Variants in CBLB observed in about 807,000 individuals in gnomAD.
CBLB encodes the protein E3 ubiquitin-protein ligase CBL-B.
Under a neutral mutation model 104.9 loss-of-function variants are expected in CBLB, and 31 were observed. That is an observed-to-expected ratio of 0.30 (90% CI 0.22 to 0.40). CBLB has a LOEUF of 0.40. Among genes scored for constraint, CBLB ranks in the 10% least tolerant of loss-of-function variants. The pLI is 1.00. For synonymous variants in CBLB, 440 were observed against 422.6 expected (o/e 1.04, Z -0.51); for missense variants, 1,062 against 1,214.6 (o/e 0.87, Z 1.87).
intron 4 of CBLB, chr3:105,762,254 C>T (rs1322709005): frequency 6.6e-6 from 1 of 152,194 alleles, no homozygotes; most frequent in African/African-American, 2.4e-5. Flanking sequence ...AAGAAAAACA[C>T]ATTCTCTGAG....
At chr3:105,787,922 T>A (rs1301389718) in intron 3 of CBLB, among the ~76,000 whole-genome samples, 1 of 152,200 alleles carries the variant, frequency 6.6e-6, no homozygotes, top group Non-Finnish European at 1.5e-5. Context: ...ATTTAAAATC[T>A]GTGTTTCATG....
Position 105,715,185 on chromosome 3 carries a change from A to G in CBLB, c.1407+4862T>C, listed in dbSNP as rs192383446. ...TCTGATCTGAATGAAGTCAGAGAGA[A>G]GGCTGTGATCTTACCAGTCACATCC... is the stretch of plus-strand genomic sequence containing the variant. On this transcript the variant is annotated intron_variant, in intron 10 of 18. Transcript: ENST00000394030. 2.1e-4 allele frequency among the ~76,000 whole-genome samples: 32 copies of G among 152,310 alleles called. No homozygotes were observed. The East Asian group carries it at 6.0e-3, about 28-fold the overall frequency.
chr3:105,767,254 T>C (rs1403426540), intron 4 of CBLB, among the ~76,000 whole-genome samples: 2 of 152,136 alleles, frequency 1.3e-5, no homozygotes, highest in Non-Finnish European at 2.9e-5. Context: ...TAATTTAATA[T>C]AATTAGGTTG....
At chr3:105,802,465 T>C (rs2082998960) in intron 3 of CBLB, among the ~76,000 whole-genome samples, 1 of 152,188 alleles carries the variant, frequency 6.6e-6, no homozygotes, top group Admixed American at 6.5e-5. Context: ...ACTAAAAACA[T>C]AAGAGAAAGT....
At chr3:105,736,936 AT>A (rs1334287274) in intron 8 of CBLB, among the ~76,000 whole-genome samples, 4 of 151,956 alleles carry the variant, frequency 2.6e-5, no homozygotes, top group Admixed American at 2.0e-4. Context: ...GGATTTATTT[AT>A]TTCCCCCATA....
intron 11 of CBLB, 28 bp from the exon 12 acceptor site, chr3:105,702,487 A>AAG: frequency 6.8e-7 from 1 of 1,473,174 alleles, no homozygotes; most frequent in Non-Finnish European, 9.0e-7. Flanking sequence ...AAAAAAAAAA[A>AAG]AAAAAAAAAA....
intron 9 of CBLB, among the ~76,000 whole-genome samples, chr3:105,725,314 T>C (rs1351291336): frequency 2.0e-5 from 3 of 152,174 alleles, no homozygotes; most frequent in African/African-American, 7.2e-5. Context: ...ATGAAGTTGG[T>C]CTAGAATGAG....
chr3:105,808,624 A>G (rs1213720927), intron 3 of CBLB, among the ~76,000 whole-genome samples: 2 of 152,204 alleles, frequency 1.3e-5, no homozygotes, highest in African/African-American at 4.8e-5. Flanking sequence ...TTCCTTGTAG[A>G]TAACAAAATC....
At chr3:105,789,392 G>A (rs2081385151) in intron 3 of CBLB, among the ~76,000 whole-genome samples, 1 of 152,036 alleles carries the variant, frequency 6.6e-6, no homozygotes, top group Non-Finnish European at 1.5e-5. Flanking sequence ...TACAAGTTCT[G>A]TATTTTCTCT....
At chr3:105,745,480 C>T (rs2076014879) in intron 6 of CBLB, among the ~76,000 whole-genome samples, 1 of 152,138 alleles carries the variant, frequency 6.6e-6, no homozygotes. Context: ...TATGTACATA[C>T]ATGTATTTGT....
chr3:105,671,984 T>G (rs1202961879), intron 17 of CBLB: 1 of 191,256 alleles, frequency 5.2e-6, no homozygotes, highest in Non-Finnish European at 1.1e-5. Context: ...TATGGTGATT[T>G]CAGCATAAAT....
At chr3:105,852,069 C>T (rs1418414799) in intron 3 of CBLB, among the ~76,000 whole-genome samples, 2 of 152,154 alleles carry the variant, frequency 1.3e-5, no homozygotes, top group African/African-American at 2.4e-5. Context: ...GATGTATTTA[C>T]TATACTATAA....
At chr3:105,740,368 A>T (rs540317497) in intron 7 of CBLB, 126 bp downstream of exon 7, 4 of 915,736 alleles carry the variant, frequency 4.4e-6, no homozygotes, top group South Asian at 4.1e-5. Context: ...AAACTAAGGA[A>T]CATCCATTAT....
chr3:105,856,144 G>A (rs1407875298), intron 2 of CBLB, among the ~76,000 whole-genome samples: 2 of 152,060 alleles, frequency 1.3e-5, no homozygotes, highest in Admixed American at 1.3e-4. Context: ...GAGGTCAGGA[G>A]TTCGAGACCA....
chr3:105,685,168 A>G, intron 14 of CBLB, 152 bp downstream of exon 14: 1 of 705,996 alleles, frequency 1.4e-6, no homozygotes, highest in Non-Finnish European at 2.4e-6. Flanking sequence ...TTTCTTTAAA[A>G]GTAATGCTGG....
intron 8 of CBLB, among the ~76,000 whole-genome samples, chr3:105,735,398 T>C (rs1296841146): frequency 6.6e-6 from 1 of 152,188 alleles, no homozygotes. Context: ...GTATTGATAC[T>C]GGTTATGACT....
intron 9 of CBLB, among the ~76,000 whole-genome samples, chr3:105,728,023 C>T (rs568706028): frequency 1.4e-4 from 21 of 152,170 alleles, no homozygotes; most frequent in African/African-American, 4.1e-4. Context: ...CTTGGTTATA[C>T]GAGCTCTTTT....
At chr3:105,720,819 A>C (rs2072706050) in intron 9 of CBLB, among the ~76,000 whole-genome samples, 1 of 152,206 alleles carries the variant, frequency 6.6e-6, no homozygotes, top group Non-Finnish European at 1.5e-5. Flanking sequence ...CTGTCCTGAA[A>C]GCCTGTCATC....
At chr3:105,799,774 A>T (rs757713102) in intron 3 of CBLB, among the ~76,000 whole-genome samples, 18 of 152,136 alleles carry the variant, frequency 1.2e-4, no homozygotes, top group Non-Finnish European at 2.1e-4. Flanking sequence ...AGAAAATTTC[A>T]GTTGGGTTAT....
Sources: gnomAD v4.1 joint callset for allele counts (sites outside exome capture counted in the v4.1 genomes callset) on GRCh38, gnomAD v4.1.1 for gene constraint, MANE v1.5 for transcripts, NCBI Gene and HGNC (gene_info 2026-07-23, HGNC 2026-07-21) for gene names.